Variants in KCND2 observed in about 807,000 individuals in gnomAD.
The protein encoded by KCND2 is potassium voltage-gated channel subfamily D member 2.
A neutral mutation model predicts 54.4 loss-of-function variants in KCND2; 16 were observed. The observed-to-expected ratio is 0.29, with a 90% CI of 0.20 to 0.45. The LOEUF (loss-of-function observed/expected upper bound fraction) is 0.45, where lower values mean the gene tolerates loss of function less well. KCND2 is among the 20% of genes least tolerant of loss of function. KCND2 has a pLI of 1.00. For synonymous variants in KCND2, 317 were observed against 310.7 expected, an observed-to-expected ratio of 1.02 and a Z score of -0.21; for missense variants, 486 against 824.2, an observed-to-expected ratio of 0.59 and a Z score of 5.02.
intron 1 of KCND2, among the ~76,000 whole-genome samples, chr7:120,329,433 A>T (rs948142105): frequency 1.3e-5 from 2 of 152,070 alleles, no homozygotes; most frequent in South Asian, 4.1e-4. Flanking sequence ...CTGAATCAGG[A>T]CCTTAATATG....
chr7:120,385,275 G>A (rs887503661), intron 1 of KCND2, among the ~76,000 whole-genome samples: 3 of 151,748 alleles, frequency 2.0e-5, no homozygotes, highest in African/African-American at 7.3e-5. Context: ...TTACAGACAT[G>A]AGCCACCATG....
At chr7:120,426,435 A>C (rs894514687) in intron 1 of KCND2, among the ~76,000 whole-genome samples, 1 of 152,114 alleles carries the variant, frequency 6.6e-6, no homozygotes, top group African/African-American at 2.4e-5. Flanking sequence ...GGTCAATTTA[A>C]TTTGGATTTG....
intron 1 of KCND2, among the ~76,000 whole-genome samples, chr7:120,332,022 CCTT>C (rs1342508244): frequency 2.0e-5 from 3 of 152,022 alleles, no homozygotes; most frequent in South Asian, 2.1e-4. Context: ...GTTGTAAAAG[CCTT>C]CTTCTACATT....
intron 1 of KCND2, among the ~76,000 whole-genome samples, chr7:120,612,329 T>C (rs187654818): frequency 9.8e-5 from 15 of 152,360 alleles, no homozygotes; most frequent in African/African-American, 3.4e-4. Flanking sequence ...TTTGGTTCCA[T>C]AGCTGTGTCT....
At chr7:120,508,891 A>AT (rs57245091) in intron 1 of KCND2, among the ~76,000 whole-genome samples, 1,463 of 138,188 alleles carry the variant, frequency 0.011, 31 homozygotes, top group African/African-American at 0.029. Context: ...GCCTTTCACG[A>AT]TTTTTTTTTT....
At chr7:120,533,449 A>T (rs905928712) in intron 1 of KCND2, among the ~76,000 whole-genome samples, 2 of 152,118 alleles carry the variant, frequency 1.3e-5, no homozygotes, top group Non-Finnish European at 2.9e-5. Flanking sequence ...TCTAACATTT[A>T]AAAAAATTTC....
At chr7:120,383,006 C>G (rs1315063066) in intron 1 of KCND2, among the ~76,000 whole-genome samples, 1 of 151,968 alleles carries the variant, frequency 6.6e-6, no homozygotes, top group African/African-American at 2.4e-5. Context: ...TTTCCTGTCA[C>G]TAGTTAGCTA....
At chr7:120,389,256 A>G (rs73217215) in intron 1 of KCND2, among the ~76,000 whole-genome samples, 1 of 151,812 alleles carries the variant, frequency 6.6e-6, no homozygotes, top group African/African-American at 2.4e-5. Context: ...TTTTTATTAT[A>G]TATATGCCTA....
intron 1 of KCND2, among the ~76,000 whole-genome samples, chr7:120,348,176 T>C (rs1800353068): frequency 6.6e-6 from 1 of 152,182 alleles, no homozygotes; most frequent in Non-Finnish European, 1.5e-5. Flanking sequence ...TACGCTATAA[T>C]GCTATCTCTT....
At chr7:120,734,724 G>T (rs1383935393) in intron 2 of KCND2, among the ~76,000 whole-genome samples, 1 of 151,980 alleles carries the variant, frequency 6.6e-6, no homozygotes, top group African/African-American at 2.4e-5. Context: ...TTATATCTTT[G>T]TCCTTTAAGG....
At chr7:120,601,003 A>G (rs1006275250) in intron 1 of KCND2, among the ~76,000 whole-genome samples, 1 of 152,148 alleles carries the variant, frequency 6.6e-6, no homozygotes, top group South Asian at 2.1e-4. Flanking sequence ...CTTAGGATTC[A>G]CTCTTTATCT....
intron 1 of KCND2, among the ~76,000 whole-genome samples, chr7:120,542,715 A>T (rs1011975792): frequency 6.6e-6 from 1 of 151,706 alleles, no homozygotes; most frequent in Non-Finnish European, 1.5e-5. Context: ...ACATTTTCCA[A>T]TGGTCTATTG....
At chr7:120,538,308 A>G (rs975630219) in intron 1 of KCND2, among the ~76,000 whole-genome samples, 1 of 152,230 alleles carries the variant, frequency 6.6e-6, no homozygotes, top group African/African-American at 2.4e-5. Context: ...TACAATAGTA[A>G]CATCAAAGAT....
At chr7:120,295,229 T>C (rs1420212150) in intron 1 of KCND2, among the ~76,000 whole-genome samples, 1 of 151,836 alleles carries the variant, frequency 6.6e-6, no homozygotes, top group African/African-American at 2.4e-5. Context: ...CAAGATCTCT[T>C]CTTTCATTTA....
In KCND2 at chr7:120,465,337, C is replaced by T. The variant is rs75685052; in HGVS notation, c.1115+189590C>T. ...TGTGTAATCGGTGTACCAAAGGCTGCTATAGGATCATAGAGAATAAGCACC... is the reference window on the plus strand; with the variant it reads ...TGTGTAATCGGTGTACCAAAGGCTGTTATAGGATCATAGAGAATAAGCACC... On this transcript the variant is annotated intron_variant, in intron 1 of 5. Transcript: ENST00000331113. 8.3e-3 allele frequency among the ~76,000 whole-genome samples: 1,262 copies of T among 151,400 alleles called. 60 individuals carry two copies. The East Asian group carries it at 0.11, about 14-fold the overall frequency.
chr7:120,673,630 A>G (rs1346307657), intron 1 of KCND2, among the ~76,000 whole-genome samples: 1 of 152,170 alleles, frequency 6.6e-6, no homozygotes, highest in Non-Finnish European at 1.5e-5. Context: ...TACAGCCAGA[A>G]TAAACTTACT....
At chr7:120,707,637 T>C (rs138821034) in intron 1 of KCND2, among the ~76,000 whole-genome samples, 1 of 152,204 alleles carries the variant, frequency 6.6e-6, no homozygotes, top group Non-Finnish European at 1.5e-5. Context: ...GCACTTAAGC[T>C]TACGATTTAT....
chr7:120,680,082 A>G (rs998473195), intron 1 of KCND2, among the ~76,000 whole-genome samples: 1 of 152,148 alleles, frequency 6.6e-6, no homozygotes, highest in Non-Finnish European at 1.5e-5. Flanking sequence ...GTCACCTACA[A>G]GACAATCTAA....
At chr7:120,739,748 A>G (rs1416932570) in intron 2 of KCND2, among the ~76,000 whole-genome samples, 2 of 151,742 alleles carry the variant, frequency 1.3e-5, no homozygotes, top group Non-Finnish European at 2.9e-5. Flanking sequence ...TGTGAAAGGC[A>G]TCTTGGTACA....
Sources: allele counts gnomAD v4.1 joint callset (sites outside exome capture counted in the v4.1 genomes callset), GRCh38; gene constraint gnomAD v4.1.1; transcripts MANE v1.5; gene names NCBI Gene and HGNC (gene_info 2026-07-23, HGNC 2026-07-21).